The following GLDN variants were observed in gnomAD, a reference collection of about 807,000 sequenced individuals.
GLDN encodes the protein gliomedin, also known as collomin.
In GLDN, 47 loss-of-function variants were observed where a neutral mutation model predicts 56.5. The observed-to-expected ratio is 0.83, with a 90% CI of 0.66 to 1.06. The LOEUF is 1.06. Among genes scored for constraint, GLDN ranks in the 50% least tolerant of loss-of-function variants. The pLI is 0.00. For synonymous variants in GLDN, 332 were observed against 278.8 expected, an observed-to-expected ratio of 1.19 and a Z score of -1.90; for missense variants, 782 against 714.3, an observed-to-expected ratio of 1.09 and a Z score of -1.08.
downstream of GLDN, among the ~76,000 whole-genome samples, chr15:51,411,707 T>G (rs573396885): frequency 7.0e-4 from 107 of 152,348 alleles, no homozygotes; most frequent in Non-Finnish European, 1.4e-3. Flanking sequence ...AAATTCTGTT[T>G]ATTTGACTTT....
chr15:51,409,771 G>T (rs1045068178), downstream of GLDN, among the ~76,000 whole-genome samples: 1 of 152,212 alleles, frequency 6.6e-6, no homozygotes, highest in African/African-American at 2.4e-5. Flanking sequence ...CCCACGTGCA[G>T]CTTCAGTGCC....
At chr15:51,411,067 T>C (rs2141148110), downstream of GLDN, among the ~76,000 whole-genome samples, 1 of 152,276 alleles carries the variant, frequency 6.6e-6, no homozygotes, top group East Asian at 1.9e-4. Flanking sequence ...TGTCAGATGT[T>C]TGAGATTTGG....
At chr15:51,361,106 C>T (rs1039554497) in intron 1 of GLDN, among the ~76,000 whole-genome samples, 2 of 152,188 alleles carry the variant, frequency 1.3e-5, no homozygotes, top group Non-Finnish European at 2.9e-5. Flanking sequence ...TTGGCGGTTA[C>T]TGAAAGATGA....
intron 4 of GLDN, 92 bp from the exon 5 acceptor site, chr15:51,394,743 C>A: frequency 7.4e-7 from 1 of 1,342,532 alleles, no homozygotes; most frequent in Non-Finnish European, 1.0e-6. Context: ...TATAAAACTG[C>A]TTCCCTGGAA....
chr15:51,388,745 C>T (rs569272112), intron 4 of GLDN, among the ~76,000 whole-genome samples: 3 of 152,202 alleles, frequency 2.0e-5, no homozygotes, highest in Non-Finnish European at 2.9e-5. Context: ...ACTCAATTTG[C>T]GTGCTCAAGG....
intron 1 of GLDN, among the ~76,000 whole-genome samples, chr15:51,358,101 T>G (rs2037221663): frequency 6.6e-6 from 1 of 152,206 alleles, no homozygotes; most frequent in Non-Finnish European, 1.5e-5. Flanking sequence ...CCATCTGGGA[T>G]CAGCGATTAA....
At chr15:51,396,865 G>C (rs1444178388) in intron 5 of GLDN, among the ~76,000 whole-genome samples, 1 of 152,188 alleles carries the variant, frequency 6.6e-6, no homozygotes, top group African/African-American at 2.4e-5. Flanking sequence ...AGCAGATGTT[G>C]CTATGCAAAA....
chr15:51,377,405 C>A (rs779928408), intron 1 of GLDN, 44 bp from the exon 2 acceptor site: 14 of 1,522,658 alleles, frequency 9.2e-6, no homozygotes, highest in Admixed American at 3.4e-5. Context: ...GAGCCCAGGG[C>A]CTGCTGCCCA....
chr15:51,387,320 G>A (rs868451123), intron 4 of GLDN, among the ~76,000 whole-genome samples: 1 of 152,186 alleles, frequency 6.6e-6, no homozygotes, highest in Non-Finnish European at 1.5e-5. Flanking sequence ...TGGTGGAGAG[G>A]CCAACATCCA....
At chr15:51,392,333 TC>T (rs2141117899) in intron 4 of GLDN, among the ~76,000 whole-genome samples, 1 of 152,186 alleles carries the variant, frequency 6.6e-6, no homozygotes, top group Non-Finnish European at 1.5e-5. Flanking sequence ...CCGCCCGAGC[TC>T]CCTTCAGATC....
intron 2 of GLDN, among the ~76,000 whole-genome samples, chr15:51,379,805 C>A (rs2037716566): frequency 6.6e-6 from 1 of 152,152 alleles, no homozygotes; most frequent in Non-Finnish European, 1.5e-5. Flanking sequence ...GGGCCCAGTG[C>A]AAAATGAAAA....
At chr15:51,359,203 C>T (rs2037244304) in intron 1 of GLDN, among the ~76,000 whole-genome samples, 1 of 152,190 alleles carries the variant, frequency 6.6e-6, no homozygotes, top group Non-Finnish European at 1.5e-5. Context: ...AGTGCATGTC[C>T]CTTTTTCCCT....
chr15:51,383,096 C>T (rs867614492), intron 2 of GLDN, among the ~76,000 whole-genome samples: 2 of 152,188 alleles, frequency 1.3e-5, no homozygotes. Context: ...CATTTGCTAA[C>T]CCCCATGCTA....
At chr15:51,378,643 G>T (rs768999307) in intron 2 of GLDN, among the ~76,000 whole-genome samples, 1 of 152,222 alleles carries the variant, frequency 6.6e-6, no homozygotes, top group East Asian at 1.9e-4. Flanking sequence ...CACTGGAAGT[G>T]GGTTGAGTAG....
rs564627415 is a variant in GLDN at position 51,346,917 on chromosome 15, T to C, written c.363+4870T>C. ...CCTGTCTCTACTAAAAATACAAAAA[T>C]TAGCCAGGCATGATGGTGAGTGCCT... On this transcript the variant is annotated intron_variant, in intron 1 of 9. Coordinates refer to ENST00000335449, the MANE Select transcript of GLDN (RefSeq NM_181789.4). Among the ~76,000 whole-genome samples the C allele has an allele frequency of 1.9e-4, 29 of 152,044 alleles. No individual in the cohort carries two copies. In the South Asian group the frequency reaches 5.6e-3, roughly 29 times the overall value.
At position 51,399,935 on chromosome 15, in the gene GLDN, C is replaced by A. The variant is rs544934564; in HGVS notation, c.818-257C>A. On this transcript the variant is annotated intron_variant, in intron 6 of 9. Transcript: ENST00000335449. ...GCCACTTTGTTGCTTTTACTGACGT[C>A]CTTTTGGGATTGTATTATCTTAGCA... 5.3e-5 allele frequency among the ~76,000 whole-genome samples: 8 copies of A among 152,328 alleles called. No homozygotes were observed. The South Asian group carries it at 1.7e-3, about 32-fold the overall frequency.
chr15:51,353,167 G>C (rs1217308393), intron 1 of GLDN, among the ~76,000 whole-genome samples: 1 of 152,110 alleles, frequency 6.6e-6, no homozygotes, highest in African/African-American at 2.4e-5. Flanking sequence ...AACAGACTTG[G>C]CATAAGAGGA....
intron 1 of GLDN, among the ~76,000 whole-genome samples, chr15:51,363,009 G>A (rs1294235110): frequency 6.6e-6 from 1 of 152,194 alleles, no homozygotes; most frequent in Non-Finnish European, 1.5e-5. Flanking sequence ...TGAGCAATGG[G>A]AAGGAAAGAT....
rs1566935693 is a variant in GLDN at position 51,353,713 on chromosome 15, T to TAAAAA, written c.363+11666_363+11667insAAAAA. Among the ~76,000 whole-genome samples the TAAAAA allele has an allele frequency of 6.8e-4, 55 of 80,498 alleles. 2 individuals carry two copies. The highest frequency in any genetic ancestry group is 3.0e-3 in the African/African-American group (54 of 18,134). The allele number at this position is 80,498 out of a possible 152,430, so 52.8% of individuals were successfully genotyped here. ...CTATCAGAACAGTCCTCGGATTTGA[T>TAAAAA]TAAAAAAAAAAAAAAAAAAAACCAC... On this transcript the variant is annotated intron_variant, in intron 1 of 9. Coordinates refer to ENST00000335449, the MANE Select transcript of GLDN (RefSeq NM_181789.4).
Sources: gnomAD v4.1 joint callset for allele counts (sites outside exome capture counted in the v4.1 genomes callset) on GRCh38, gnomAD v4.1.1 for gene constraint, MANE v1.5 for transcripts, NCBI Gene and HGNC (gene_info 2026-07-23, HGNC 2026-07-21) for gene names.